The following MROH2A variants were observed in gnomAD, a reference collection of about 807,000 sequenced individuals.
MROH2A encodes the protein maestro heat-like repeat-containing protein family member 2A.
A neutral mutation model predicts 200.4 loss-of-function variants in MROH2A; 174 were observed. That is an observed-to-expected ratio of 0.87 (90% CI 0.77 to 0.98). The LOEUF (loss-of-function observed/expected upper bound fraction) is 0.98. MROH2A is among the 50% of genes least tolerant of loss of function. MROH2A has a pLI of 0.00. For missense variants in MROH2A, 2,045 were observed against 2,139.6 expected, an observed-to-expected ratio of 0.96 and a Z score of 0.87; for synonymous variants, 829 against 840.4, an observed-to-expected ratio of 0.99 and a Z score of 0.23.
chr2:233,819,781 C>T lies in MROH2A; in HGVS notation c.3358-121C>T, dbSNP rs1053432993. ...AGGATGCACTAGAGAGGGTGCTGGG[C>T]GCTTAACCTCCCCATTGTCCAACTG... On this transcript the variant is annotated intron_variant, in intron 30 of 41. Coordinates refer to ENST00000389758, the MANE Select transcript of MROH2A (RefSeq NM_001394639.1). The T allele has an allele frequency of 7.3e-5, 83 of 1,133,768 alleles. No homozygotes were observed. The East Asian group carries it at 9.7e-4, about 13-fold the overall frequency. 70.2% of individuals were successfully genotyped at this position (1,133,768 alleles called of 1,614,324 possible). A position where few individuals can be genotyped will look rare whatever the true frequency, so the allele number is the denominator to read the frequency against.
chr2:233,817,484 T>C (rs542160538), intron 27 of MROH2A, among the ~76,000 whole-genome samples: 14 of 152,180 alleles, frequency 9.2e-5, no homozygotes, highest in African/African-American at 3.1e-4. Flanking sequence ...GAGGTGGGGA[T>C]GAAGGCTCAG....
chr2:233,812,357 A>T (rs2126149091), intron 24 of MROH2A, among the ~76,000 whole-genome samples: 1 of 152,348 alleles, frequency 6.6e-6, no homozygotes, highest in South Asian at 2.1e-4. Context: ...GTACAAAATG[A>T]TCTAAAGCCC....
intron 3 of MROH2A, among the ~76,000 whole-genome samples, chr2:233,783,332 G>C (rs1024567735): frequency 6.6e-6 from 1 of 152,128 alleles, no homozygotes; most frequent in African/African-American, 2.4e-5. Flanking sequence ...GAATTCAGCA[G>C]TGAATCCATC....
In MROH2A at chr2:233,788,832, G is replaced by A. The variant is rs1388328696; in HGVS notation, c.277-665G>A. On this transcript the variant is annotated intron_variant, in intron 3 of 41. Coordinates refer to ENST00000389758, the MANE Select transcript of MROH2A (RefSeq NM_001394639.1). Reference sequence around the variant, plus strand: ...CGGGCGCCTGTAGTCCCAGCTACTCGGGAGGCTGAGGCAGGAGAATGGCGT... The same window carrying A: ...CGGGCGCCTGTAGTCCCAGCTACTCAGGAGGCTGAGGCAGGAGAATGGCGT... 2.6e-5 allele frequency among the ~76,000 whole-genome samples: 4 copies of A among 151,342 alleles called. No homozygotes were observed. The East Asian group carries it at 5.9e-4, about 22-fold the overall frequency.
At chr2:233,799,954 A>G (rs1021686181) in intron 13 of MROH2A, 55 bp downstream of exon 13, 80 of 1,548,454 alleles carry the variant, frequency 5.2e-5, no homozygotes, top group Non-Finnish European at 1.3e-5. Context: ...AATGGTTTCC[A>G]CAGTGCTGAG....
At chr2:233,793,006 G>A in intron 6 of MROH2A, 112 bp downstream of exon 6, 2 of 1,053,176 alleles carry the variant, frequency 1.9e-6, no homozygotes, top group Non-Finnish European at 2.7e-6. Context: ...CTGTTCACTT[G>A]TTCTCCAAAG....
Position 233,807,913 on chromosome 2 carries a change from C to T in MROH2A, c.2295+58C>T. 1 of 1,547,260 alleles carries T rather than the reference C, an allele frequency of 6.5e-7. No individual in the cohort carries two copies. The highest frequency in any genetic ancestry group is 2.4e-5 in the East Asian group (1 of 40,864). The stretch of plus-strand genomic sequence containing the variant: ...GGATCTCTTAGCACAGTGCTCTGGG[C>T]ACTGACACAAAGTCCTTTCTAGATC... On this transcript the variant is annotated intron_variant, in intron 21 of 41. Transcript: ENST00000389758. The surrounding 1 kb of genome is among the most constrained non-coding windows in gnomAD (Gnocchi z 4.3).
At chr2:233,777,103 A>T (rs144705375), upstream of MROH2A, among the ~76,000 whole-genome samples, 1 of 152,292 alleles carries the variant, frequency 6.6e-6, no homozygotes, top group Non-Finnish European at 1.5e-5. Context: ...CACGCAGGTG[A>T]CTCATACACT....
chr2:233,805,019 C>A lies in MROH2A; in HGVS notation c.1960C>A (p.Leu654Ile). The A allele has an allele frequency of 6.5e-7, 1 of 1,549,946 alleles. No individual in the cohort carries two copies. The highest frequency in any genetic ancestry group is 1.4e-5 in the African/African-American group (1 of 73,174). The change falls in exon 19 of 42, where the codon CTC becomes ATC. Residue 654 changes from leucine to isoleucine, a missense_variant. Physicochemically the swap from Leu to Ile is conservative, Grantham distance 5. Coordinates refer to ENST00000389758, the MANE Select transcript of MROH2A (RefSeq NM_001394639.1). ...GCCTCCCCAGTTTCTGCGAAACTCC[C>A]TCAAGAAGACCCGGGGGTCTAGCTG... Reference protein sequence around the residue: ...DKLIQFLRNSLKKTRGSSWSL... With the variant: ...DKLIQFLRNSIKKTRGSSWSL...
rs142750143 is a variant in MROH2A at position 233,815,190 on chromosome 2, C to T, written c.2856+513C>T. Among the ~76,000 whole-genome samples the T allele has an allele frequency of 4.2e-3, 634 of 152,314 alleles. 12 individuals carry two copies. The highest frequency in any genetic ancestry group is 0.03 in the Admixed American group (459 of 15,294). On this transcript the variant is annotated intron_variant, in intron 26 of 41. Coordinates refer to ENST00000389758, the MANE Select transcript of MROH2A (RefSeq NM_001394639.1). ...TCTCCTTTCATCTGGAACAGCTTCACAGTCCTTCTTTGTCTTTCATAACCT... is the reference window on the plus strand; with the variant it reads ...TCTCCTTTCATCTGGAACAGCTTCATAGTCCTTCTTTGTCTTTCATAACCT...
chr2:233,824,595 A>G (rs183781462), intron 35 of MROH2A, among the ~76,000 whole-genome samples: 50 of 152,336 alleles, frequency 3.3e-4, no homozygotes, highest in Admixed American at 8.5e-4. Flanking sequence ...GGGCCTGGTT[A>G]AGAGCCTCCG....
intron 13 of MROH2A, 107 bp from the exon 14 acceptor site, chr2:233,800,098 A>G (rs1702363534): frequency 9.4e-7 from 1 of 1,066,344 alleles, no homozygotes; most frequent in Non-Finnish European, 1.4e-6. Context: ...CATTCTGTAG[A>G]CTCAGTATCT....
chr2:233,798,351 C>T (rs1030352784), intron 11 of MROH2A, among the ~76,000 whole-genome samples: 2 of 152,178 alleles, frequency 1.3e-5, no homozygotes, highest in Non-Finnish European at 2.9e-5. Flanking sequence ...CACTTTACGT[C>T]CCACAGCTGG....
At chr2:233,826,050 G>A (rs1022074215) in intron 35 of MROH2A, among the ~76,000 whole-genome samples, 1 of 148,668 alleles carries the variant, frequency 6.7e-6, no homozygotes, top group African/African-American at 2.5e-5. Context: ...TCAGCCTTTC[G>A]AGTAGCTGGG....
chr2:233,785,638 T>C (rs1415419290), intron 3 of MROH2A, among the ~76,000 whole-genome samples: 2 of 152,012 alleles, frequency 1.3e-5, no homozygotes, highest in East Asian at 1.9e-4. Context: ...AGAAAGAAAC[T>C]GGTGAGGTAG....
chr2:233,778,638 A>G (rs1700784787), intron 1 of MROH2A, among the ~76,000 whole-genome samples, 157 bp downstream of exon 1: 2 of 152,178 alleles, frequency 1.3e-5, no homozygotes, highest in South Asian at 2.1e-4. Flanking sequence ...CTCGACATCT[A>G]TGTTGGTGTT....
Position 233,829,019 on chromosome 2 carries a change from G to A in MROH2A, c.4393G>A (p.Val1465Met), listed in dbSNP as rs1474199463. ...CCTGGCTGAGCTCCGGGAAGGGGAT[G>A]TGGGGTCCTCTTTCGACGCCATGTC... ...KILAELREGD[V>M]GSSFDAMSEQ... Residue 1465 changes from valine (V) to methionine (M), a missense_variant, in exon 37 of 42, where the codon GTG becomes ATG. Physicochemically the swap from Val to Met is conservative, Grantham distance 21. Around this residue, in one of 3 missense-constraint regions of MROH2A, gnomAD observed 1,201 missense variants for 1,311.3 expected, o/e 0.92. Transcript: ENST00000389758. The A allele has an allele frequency of 1.9e-6, 3 of 1,549,988 alleles. No individual in the cohort carries two copies. Among genetic ancestry groups the A allele is most frequent in the Non-Finnish European group, 2.6e-6 (3 of 1,146,724 alleles).
intron 40 of MROH2A, 127 bp from the exon 41 acceptor site, chr2:233,832,452 C>A: frequency 1.0e-6 from 1 of 985,414 alleles, no homozygotes; most frequent in Non-Finnish European, 1.5e-6. Flanking sequence ...TGGCTTCCTC[C>A]CTGCCAACGT....
chr2:233,788,925 C>T (rs542216733), intron 3 of MROH2A, among the ~76,000 whole-genome samples: 44 of 113,352 alleles, frequency 3.9e-4, no homozygotes, highest in Non-Finnish European at 4.0e-4. Flanking sequence ...GGCGGCAGAG[C>T]GAGACTCCGT....
Sources: allele counts gnomAD v4.1 joint callset (sites outside exome capture counted in the v4.1 genomes callset), GRCh38; gene constraint gnomAD v4.1.1; regional missense constraint gnomAD v4.1.1; non-coding constraint Gnocchi (gnomAD v3.1); transcripts MANE v1.5; gene names NCBI Gene and HGNC (gene_info 2026-07-23, HGNC 2026-07-21).